TJAP1: variants seen among roughly 807,000 people sequenced by gnomAD.
TJAP1 encodes the protein tight junction-associated protein 1.
A neutral mutation model predicts 42.0 loss-of-function variants in TJAP1; 27 were observed. That is an observed-to-expected ratio of 0.64 (90% CI 0.47 to 0.89). TJAP1 has a LOEUF of 0.89. Ranked by LOEUF, TJAP1 falls within the 40% of genes least tolerant of loss-of-function variation. The pLI is 0.00. For synonymous variants in TJAP1, 257 were observed against 288.4 expected, an observed-to-expected ratio of 0.89 and a Z score of 1.10; for missense variants, 712 against 726.9, an observed-to-expected ratio of 0.98 and a Z score of 0.24.
intron 9 of TJAP1, 28 bp from the exon 10 acceptor site, chr6:43,503,595 G>GGGCTC: frequency 6.2e-7 from 1 of 1,612,960 alleles, no homozygotes; most frequent in Non-Finnish European, 8.5e-7. Context: ...GGGCTGGGCT[G>GGGCTC]GGCTCTGAAA....
rs1486838431 is a variant in TJAP1, at chr6:43,505,342, C to T, written c.1161C>T (p.His387=). The change falls in exon 11 of 11, where the codon CAC becomes CAT. Residue 387 remains histidine (H), a synonymous_variant. Transcript: ENST00000372449. This position sits in a 1 kb window ranked among gnomAD's most constrained non-coding sequence, Gnocchi z 5.5. ...CTGCCTCAGCCCAGGCCTCACCCCA[C>T]CACCAGCCCAGCCCAGCACCCCTAA... The T allele has an allele frequency of 6.2e-7, 1 of 1,609,122 alleles. No individual in the cohort carries two copies. The highest frequency in any genetic ancestry group is 2.2e-5 in the East Asian group (1 of 44,792).
chr6:43,482,751 G>C (rs1785574810), intron 2 of TJAP1, among the ~76,000 whole-genome samples: 1 of 152,198 alleles, frequency 6.6e-6, no homozygotes, highest in African/African-American at 2.4e-5. Flanking sequence ...GGTGCATGTA[G>C]AATGAATAAA....
At chr6:43,482,992 C>T (rs1169398354) in intron 2 of TJAP1, among the ~76,000 whole-genome samples, 1 of 152,000 alleles carries the variant, frequency 6.6e-6, no homozygotes, top group Non-Finnish European at 1.5e-5. Context: ...CGTGGTGGTG[C>T]GTACCTGCAA....
At chr6:43,482,122 C>A (rs915809538) in intron 2 of TJAP1, among the ~76,000 whole-genome samples, 1 of 152,140 alleles carries the variant, frequency 6.6e-6, no homozygotes, top group African/African-American at 2.4e-5. Context: ...TCTTGCATTG[C>A]GTGGCAGTCA....
intron 5 of TJAP1, chr6:43,501,312 TC>T: frequency 1.8e-6 from 1 of 565,166 alleles, no homozygotes; most frequent in Non-Finnish European, 3.1e-6. Flanking sequence ...CATCCCCTCT[TC>T]CTCCCCTGAC....
chr6:43,501,444 T>G, intron 5 of TJAP1, 82 bp from the exon 6 acceptor site: 1 of 1,334,740 alleles, frequency 7.5e-7, no homozygotes, highest in Non-Finnish European at 1.0e-6. Context: ...ATCCCTTCCT[T>G]CCTGAGCCCA....
At chr6:43,485,019 C>T (rs567452932) in intron 2 of TJAP1, among the ~76,000 whole-genome samples, 6 of 152,102 alleles carry the variant, frequency 3.9e-5, no homozygotes, top group Admixed American at 2.0e-4. Context: ...TGAGCCACCA[C>T]GCCCAGCCTC....
At chr6:43,480,015 T>C (rs2127454260) in intron 2 of TJAP1, among the ~76,000 whole-genome samples, 1 of 152,350 alleles carries the variant, frequency 6.6e-6, no homozygotes, top group Admixed American at 6.5e-5. Context: ...TGTTTGACTT[T>C]GCCATTTGTA....
At position 43,505,799 on chromosome 6, in the gene TJAP1, C is replaced by A. The variant is rs772919914; in HGVS notation, c.1618C>A (p.Leu540Met). ...CCCCAAGAGGATGGGGGTTCACCACCTGCACCGCAAGGACAGCCTGACCCA... is the reference window on the plus strand; with the variant it reads ...CCCCAAGAGGATGGGGGTTCACCACATGCACCGCAAGGACAGCCTGACCCA... Residue 540 changes from leucine (L) to methionine (M), a missense_variant, in exon 11 of 11, where the codon CTG becomes ATG. Leu to Met is a conservative substitution (Grantham distance 15). Around this residue, in one of 3 missense-constraint regions of TJAP1, gnomAD observed 549 missense variants for 528.2 expected, o/e 1.04. Transcript: ENST00000372449. The surrounding 1 kb of genome is among the most constrained non-coding windows in gnomAD (Gnocchi z 5.5). The A allele has an allele frequency of 6.7e-7, 1 of 1,503,310 alleles. No homozygotes were observed. 93.1% of individuals were successfully genotyped at this position (1,503,310 alleles called of 1,614,324 possible). A position where few individuals can be genotyped will look rare whatever the true frequency, so the allele number is the denominator to read the frequency against.
intron 2 of TJAP1, among the ~76,000 whole-genome samples, chr6:43,490,901 A>G (rs1172328380): frequency 1.3e-5 from 2 of 152,258 alleles, no homozygotes; most frequent in Non-Finnish European, 2.9e-5. Flanking sequence ...GCTCCCACGC[A>G]GTCCCTTCTC....
At chr6:43,486,048 T>G (rs1382671154) in intron 2 of TJAP1, among the ~76,000 whole-genome samples, 1 of 151,736 alleles carries the variant, frequency 6.6e-6, no homozygotes, top group Non-Finnish European at 1.5e-5. Context: ...CTTGGCTCAC[T>G]GCAACCTCCG....
chr6:43,485,597 A>G (rs1240952422), intron 2 of TJAP1, among the ~76,000 whole-genome samples: 2 of 152,166 alleles, frequency 1.3e-5, no homozygotes, highest in Admixed American at 6.5e-5. Context: ...TGTGCTCTCA[A>G]AGCACTCAAC....
At position 43,503,714 on chromosome 6, in the gene TJAP1, G is replaced by A; in HGVS notation, c.579+8G>A. On this transcript the variant is annotated splice_region_variant and intron_variant, in intron 10 of 10. Transcript: ENST00000372449. Reference sequence around the variant, plus strand: ...AACCACAAGTTTGCCGATGTGAGTAGAACTCACCCCCTCCCTGCCCACATA... The same window carrying A: ...AACCACAAGTTTGCCGATGTGAGTAAAACTCACCCCCTCCCTGCCCACATA... 1.9e-6 allele frequency: 3 copies of A among 1,612,500 alleles called. No individual in the cohort carries two copies. The highest frequency in any genetic ancestry group is 2.5e-6 in the Non-Finnish European group (3 of 1,178,526).
Position 43,492,970 on chromosome 6 carries a change from A to G in TJAP1, c.-121-4911A>G, listed in dbSNP as rs913246526. The stretch of plus-strand genomic sequence containing the variant: ...AGGGGGAGGCCCCAGTCCCTGTGTG[A>G]TCAGACATTTGTGTTTTAGTGGTTG... On this transcript the variant is annotated intron_variant, in intron 2 of 10. Transcript: ENST00000372449. This position sits in a 1 kb window ranked among gnomAD's most constrained non-coding sequence, Gnocchi z 4.2. Among the ~76,000 whole-genome samples, 3 of 152,148 alleles carry G rather than the reference A, an allele frequency of 2.0e-5. No individual in the cohort carries two copies. Among genetic ancestry groups the G allele is most frequent in the Non-Finnish European group, 2.9e-5 (2 of 68,030 alleles).
chr6:43,480,793 G>A (rs970177783), intron 2 of TJAP1, among the ~76,000 whole-genome samples: 2 of 152,180 alleles, frequency 1.3e-5, no homozygotes, highest in Non-Finnish European at 2.9e-5. Flanking sequence ...TAGGATTACA[G>A]GTGTGAGCCA....
chr6:43,478,149 G>T (rs1784601261), exon 2 of TJAP1: 1 of 152,220 alleles, frequency 6.6e-6, no homozygotes, highest in Non-Finnish European at 1.5e-5. Context: ...GAAGATTCAG[G>T]TGCCCCAGGG....
chr6:43,486,418 C>T (rs1386283679), intron 2 of TJAP1, among the ~76,000 whole-genome samples: 2 of 146,950 alleles, frequency 1.4e-5, no homozygotes, highest in African/African-American at 5.1e-5. Flanking sequence ...TGCAGCGGCG[C>T]GATCCCTGCT....
chr6:43,502,076 A>ACACACACACACTCTCTCTCT (rs767085594), intron 6 of TJAP1, among the ~76,000 whole-genome samples: 1 of 68,956 alleles, frequency 1.5e-5, no homozygotes, highest in African/African-American at 7.6e-5. Context: ...ACACACACAC[A>ACACACACACACTCTCTCTCT]CTCTCTCTCT....
rs1792095286 is a variant in TJAP1, at chr6:43,505,396, C to T, written c.1215C>T (p.Ser405=). The change falls in exon 11 of 11, where the codon AGC becomes AGT. Residue 405 remains serine, a synonymous_variant. Transcript: ENST00000372449. This position sits in a 1 kb window ranked among gnomAD's most constrained non-coding sequence, Gnocchi z 5.5. ...TCAGTGCCCCAGCTAGCTCTGCCAGCTCTGAAGAGGACCTGCTGGTCAGCT... is the reference window on the plus strand; with the variant it reads ...TCAGTGCCCCAGCTAGCTCTGCCAGTTCTGAAGAGGACCTGCTGGTCAGCT... 6.2e-7 allele frequency: 1 copy of T among 1,611,904 alleles called. No homozygotes were observed. Among genetic ancestry groups the T allele is most frequent in the Non-Finnish European group, 8.5e-7 (1 of 1,179,948 alleles).
Sources: gnomAD v4.1 joint callset for allele counts (sites outside exome capture counted in the v4.1 genomes callset) on GRCh38, gnomAD v4.1.1 for gene constraint, gnomAD v4.1.1 regional missense constraint, Gnocchi (gnomAD v3.1) non-coding constraint, MANE v1.5 for transcripts, NCBI Gene and HGNC (gene_info 2026-07-23, HGNC 2026-07-21) for gene names.